ZNF609: variants seen among roughly 807,000 people sequenced by gnomAD.
ZNF609 encodes zinc finger protein 609.
Under a neutral mutation model 109.5 loss-of-function variants are expected in ZNF609, and 11 were observed. The observed-to-expected ratio is 0.10, with a 90% confidence interval of 0.06 to 0.17. The LOEUF (loss-of-function observed/expected upper bound fraction) is 0.17. Ranked by LOEUF, ZNF609 falls within the 10% of genes least tolerant of loss-of-function variation. ZNF609 has a pLI of 1.00. For synonymous variants in ZNF609, 646 were observed against 662.0 expected (o/e 0.98, Z 0.37); for missense variants, 1,559 against 1,772.4 (o/e 0.88, Z 2.16).
chr15:64,642,671 G>A (rs537274099), intron 3 of ZNF609, among the ~76,000 whole-genome samples: 7 of 152,222 alleles, frequency 4.6e-5, no homozygotes, highest in African/African-American at 9.6e-5. Flanking sequence ...GCACACTCCC[G>A]TAGTCCCAGC....
At chr15:64,490,281 T>C (rs1338099913) in intron 1 of ZNF609, among the ~76,000 whole-genome samples, 2 of 151,096 alleles carry the variant, frequency 1.3e-5, no homozygotes, top group Non-Finnish European at 3.0e-5. Context: ...TGTTTTTTTT[T>C]TTTTTTTTCG....
At chr15:64,584,052 C>T (rs960298415) in intron 2 of ZNF609, among the ~76,000 whole-genome samples, 2 of 152,086 alleles carry the variant, frequency 1.3e-5, no homozygotes, top group Non-Finnish European at 2.9e-5. Flanking sequence ...TGCTCTTTGT[C>T]CTCAAGGATT....
chr15:64,673,950 C>G lies in ZNF609; in HGVS notation c.1096C>G (p.Arg366Gly). ...CDSPTSDLEM[R>G]NGRGRGKRMR... ...CTCCCCGACCAGTGACCTGGAAATG[C>G]GCAATGGCCGGGGTAGAGGCAAACG... Residue 366 changes from arginine (R) to glycine (G), a missense_variant, in exon 5 of 10, where the codon CGC (arginine) becomes GGC (glycine). Transcript: ENST00000326648. 1.9e-6 allele frequency: 3 copies of G among 1,613,220 alleles called. No individual in the cohort carries two copies. The highest frequency in any genetic ancestry group is 2.5e-6 in the Non-Finnish European group (3 of 1,179,312).
chr15:64,545,462 G>C (rs1019823211), intron 2 of ZNF609, among the ~76,000 whole-genome samples: 1 of 152,148 alleles, frequency 6.6e-6, no homozygotes, highest in Non-Finnish European at 1.5e-5. Context: ...GCCACCCAAA[G>C]TGCTGGGATT....
chr15:64,680,412 A>G lies in ZNF609; in HGVS notation c.3945+52A>G, dbSNP rs1169430521. The G allele has an allele frequency of 1.9e-6, 3 of 1,595,780 alleles. No individual in the cohort carries two copies. In the East Asian group the frequency reaches 6.7e-5, roughly 36 times the overall value. Reference sequence around the variant, plus strand: ...GTTACCCAAAGACTAGTAAGGCCAGATCCAGGGTCTGGGAGAAGGTGGGCA... The same window carrying G: ...GTTACCCAAAGACTAGTAAGGCCAGGTCCAGGGTCTGGGAGAAGGTGGGCA... On this transcript the variant is annotated intron_variant, in intron 7 of 9. Coordinates refer to ENST00000326648, the MANE Select transcript of ZNF609 (RefSeq NM_015042.2).
chr15:64,520,603 G>GTT (rs915174021), intron 2 of ZNF609, among the ~76,000 whole-genome samples: 3 of 151,384 alleles, frequency 2.0e-5, no homozygotes, highest in African/African-American at 7.3e-5. Context: ...TTTTATTCTC[G>GTT]TTTTCTTAAA....
intron 4 of ZNF609, among the ~76,000 whole-genome samples, chr15:64,672,363 G>A (rs999733369): frequency 6.7e-5 from 10 of 150,240 alleles, no homozygotes; most frequent in South Asian, 6.3e-4. Context: ...GGTGGCTAAC[G>A]CCTGTAATCC....
Position 64,499,354 on chromosome 15 carries a change from G to A in ZNF609, c.-66G>A, listed in dbSNP as rs28375759. The A allele has an allele frequency of 1.9e-6, 3 of 1,566,550 alleles. No individual in the cohort carries two copies. Among genetic ancestry groups the A allele is most frequent in the Admixed American group, 3.7e-5 (2 of 54,592 alleles). On this transcript the variant is annotated 5_prime_UTR_variant, in exon 2 of 10. Transcript: ENST00000326648. Reference sequence around the variant, plus strand: ...TGGCAGGTCTGAGAACATAGCTGAAGCTGAAAATAGGAAAGCTGGGGGCAA... The same window carrying A: ...TGGCAGGTCTGAGAACATAGCTGAAACTGAAAATAGGAAAGCTGGGGGCAA...
At chr15:64,566,718 G>A (rs758558155) in intron 2 of ZNF609, among the ~76,000 whole-genome samples, 4 of 152,324 alleles carry the variant, frequency 2.6e-5, no homozygotes, top group East Asian at 1.9e-4. Flanking sequence ...TGTGGAGGGC[G>A]TGGTAGAGAC....
At chr15:64,545,742 T>C (rs1050175524) in intron 2 of ZNF609, among the ~76,000 whole-genome samples, 1 of 152,218 alleles carries the variant, frequency 6.6e-6, no homozygotes, top group African/African-American at 2.4e-5. Context: ...TTCTAGAATA[T>C]GTATAAGAGA....
At chr15:64,592,929 TAAATA>T (rs1423318845) in intron 2 of ZNF609, 6 of 810,982 alleles carry the variant, frequency 7.4e-6, no homozygotes, top group Middle Eastern at 3.4e-4. Flanking sequence ...ATTACATAAA[TAAATA>T]AAATAAAAAT....
chr15:64,572,674 C>T (rs750795337), intron 2 of ZNF609, among the ~76,000 whole-genome samples: 3 of 151,972 alleles, frequency 2.0e-5, no homozygotes, highest in Admixed American at 6.6e-5. Flanking sequence ...AGGCAGTTCA[C>T]CTGAGGTCGG....
chr15:64,568,024 A>G lies in ZNF609; in HGVS notation c.748-54803A>G, dbSNP rs552029557. On this transcript the variant is annotated intron_variant, in intron 2 of 9. Coordinates refer to ENST00000326648, the MANE Select transcript of ZNF609 (RefSeq NM_015042.2). ...TTTTAAACATACAGAAAAGTTAAGTAAAATGATCACCCACCACCTAGATTC... is the reference window on the plus strand; with the variant it reads ...TTTTAAACATACAGAAAAGTTAAGTGAAATGATCACCCACCACCTAGATTC... Among the ~76,000 whole-genome samples, 4 of 152,312 alleles carry G rather than the reference A, an allele frequency of 2.6e-5. No individual in the cohort carries two copies. The East Asian group carries it at 7.7e-4, about 29-fold the overall frequency.
chr15:64,526,927 A>G (rs1595707968), intron 2 of ZNF609, among the ~76,000 whole-genome samples: 1 of 152,296 alleles, frequency 6.6e-6, no homozygotes, highest in East Asian at 1.9e-4. Context: ...CTGGGATTAC[A>G]GGCATAAAGC....
chr15:64,554,342 T>C (rs543837965), intron 2 of ZNF609, among the ~76,000 whole-genome samples: 1 of 152,140 alleles, frequency 6.6e-6, no homozygotes, highest in Non-Finnish European at 1.5e-5. Flanking sequence ...CATATACTTT[T>C]AAAAATTTTA....
intron 3 of ZNF609, among the ~76,000 whole-genome samples, chr15:64,661,296 C>T (rs1057350039): frequency 6.6e-6 from 1 of 152,126 alleles, no homozygotes; most frequent in Non-Finnish European, 1.5e-5. Flanking sequence ...TACATGTTCC[C>T]TTATTTATTG....
intron 1 of ZNF609, among the ~76,000 whole-genome samples, chr15:64,495,458 A>G (rs906757395): frequency 6.6e-6 from 1 of 152,116 alleles, no homozygotes; most frequent in Non-Finnish European, 1.5e-5. Flanking sequence ...TAGTGGCACA[A>G]TCTTGGCTCA....
chr15:64,527,870 C>G (rs918954758), intron 2 of ZNF609, among the ~76,000 whole-genome samples: 10 of 151,964 alleles, frequency 6.6e-5, no homozygotes, highest in African/African-American at 2.4e-4. Context: ...TTGTTCAGAC[C>G]CTCATCATTT....
chr15:64,540,780 A>G (rs1180476733), intron 2 of ZNF609, among the ~76,000 whole-genome samples: 1 of 150,680 alleles, frequency 6.6e-6, no homozygotes, highest in African/African-American at 2.4e-5. Flanking sequence ...CTGTAATCCC[A>G]GCACTTTGGG....
Sources: allele counts gnomAD v4.1 joint callset (sites outside exome capture counted in the v4.1 genomes callset), GRCh38; gene constraint gnomAD v4.1.1; transcripts MANE v1.5; gene names NCBI Gene and HGNC (gene_info 2026-07-23, HGNC 2026-07-21).